DZIP1L: variants seen among roughly 807,000 people sequenced by gnomAD.
DZIP1L encodes cilium assembly protein DZIP1L.
In DZIP1L, 90 loss-of-function variants were observed where a neutral mutation model predicts 88.7. The ratio of observed to expected loss-of-function variants is 1.02; its 90% CI spans 0.86 to 1.21. The LOEUF (loss-of-function observed/expected upper bound fraction) is 1.21, where lower values mean the gene tolerates loss of function less well. Ranked by LOEUF, DZIP1L falls within the 50% of genes most tolerant of loss-of-function variation. The pLI, the probability that DZIP1L is intolerant of heterozygous loss-of-function variation, is 0.00. For missense variants in DZIP1L, 932 were observed against 955.8 expected, an observed-to-expected ratio of 0.98 and a Z score of 0.33; for synonymous variants, 363 against 372.1, an observed-to-expected ratio of 0.98 and a Z score of 0.28.
chr3:138,086,848 A>G, intron 7 of DZIP1L, 113 bp downstream of exon 7: 1 of 1,135,884 alleles, frequency 8.8e-7, no homozygotes, highest in Non-Finnish European at 1.3e-6. Context: ...GCATCTGCCA[A>G]CCAGTTCCAG....
intron 4 of DZIP1L, among the ~76,000 whole-genome samples, chr3:138,093,782 C>T (rs954689814): frequency 1.3e-5 from 2 of 152,214 alleles, no homozygotes; most frequent in African/African-American, 4.8e-5. Context: ...CTTCTCTCAG[C>T]CTTCATAGAA....
At chr3:138,064,306 C>T (rs1392216344) in intron 15 of DZIP1L, 3 of 1,187,964 alleles carry the variant, frequency 2.5e-6, no homozygotes, top group East Asian at 5.2e-5. Flanking sequence ...TGAGACCGGG[C>T]TGGAAGAGCA....
At chr3:138,090,540 C>T (rs777154943) in intron 5 of DZIP1L, among the ~76,000 whole-genome samples, 1 of 152,164 alleles carries the variant, frequency 6.6e-6, no homozygotes, top group Non-Finnish European at 1.5e-5. Flanking sequence ...TGGATGGAAG[C>T]GCTTGCGTCA....
chr3:138,068,350 T>C lies in DZIP1L; in HGVS notation c.1633A>G (p.Thr545Ala), dbSNP rs446644. The C allele has an allele frequency of 0.83, 1,268,398 of 1,534,634 alleles. 533,467 individuals carry two copies. The highest frequency in any genetic ancestry group is 0.87 in the Non-Finnish European group (992,661 of 1,136,994). Residue 545 changes from threonine to alanine, a missense_variant, in exon 13 of 16, where the codon ACA (threonine) becomes GCA (alanine). By Grantham distance (58) the Thr-to-Ala change is moderately conservative. Coordinates refer to ENST00000327532, the MANE Select transcript of DZIP1L (RefSeq NM_173543.3). ...GGCTGGGCCTCTCTGGTGACCAGTG[T>C]GCTCTGCTGGCTTTTGACTGGAAAC... Reference protein sequence around the residue: ...GQPSVKSQQSTLVTREAQPKT... With the variant: ...GQPSVKSQQSALVTREAQPKT...
intron 11 of DZIP1L, among the ~76,000 whole-genome samples, chr3:138,075,715 C>G (rs187814845): frequency 6.6e-6 from 1 of 152,170 alleles, no homozygotes; most frequent in Non-Finnish European, 1.5e-5. Flanking sequence ...CGGCCTGGCG[C>G]GGTGGCTCAC....
At chr3:138,088,615 C>T in intron 5 of DZIP1L, 108 bp from the exon 6 acceptor site, 1 of 1,430,366 alleles carries the variant, frequency 7.0e-7, no homozygotes, top group Non-Finnish European at 9.2e-7. Flanking sequence ...CTCATCCTCC[C>T]AACTCATCCT....
chr3:138,080,639 G>T lies in DZIP1L; in HGVS notation c.1235-19C>A. On this transcript the variant is annotated intron_variant, in intron 9 of 15. Transcript: ENST00000327532. ...TGGATCCCTGAAGAGAGGAGGAACAGTTAGTGGCACCAGTGCTCTGGACCC... is the reference window on the plus strand; with the variant it reads ...TGGATCCCTGAAGAGAGGAGGAACATTTAGTGGCACCAGTGCTCTGGACCC... 6.2e-7 allele frequency: 1 copy of T among 1,611,938 alleles called. No homozygotes were observed. Among genetic ancestry groups the T allele is most frequent in the South Asian group, 1.1e-5 (1 of 90,988 alleles).
chr3:138,076,967 T>C (rs1460053848), intron 11 of DZIP1L, among the ~76,000 whole-genome samples: 2 of 152,000 alleles, frequency 1.3e-5, no homozygotes, highest in Non-Finnish European at 2.9e-5. Context: ...TACATGTATA[T>C]ACATACATAC....
At chr3:138,093,631 T>G (rs1262088929) in intron 4 of DZIP1L, among the ~76,000 whole-genome samples, 1 of 152,256 alleles carries the variant, frequency 6.6e-6, no homozygotes, top group African/African-American at 2.4e-5. Context: ...CTTAGCTAGA[T>G]CTCCAAGATA....
chr3:138,071,919 G>A lies in DZIP1L; in HGVS notation c.1423-84C>T, dbSNP rs966726336. On this transcript the variant is annotated intron_variant, in intron 11 of 15. Coordinates refer to ENST00000327532, the MANE Select transcript of DZIP1L (RefSeq NM_173543.3). ...AAGCCTCTCACACCTGCTGCTGCTG[G>A]CCTGGGAGTCTGTGATCAGTGCCTG... 4.4e-6 allele frequency: 6 copies of A among 1,350,322 alleles called. No homozygotes were observed. The African/African-American group carries it at 7.3e-5, about 16-fold the overall frequency. 83.6% of individuals were successfully genotyped at this position (1,350,322 alleles called of 1,614,324 possible).
At chr3:138,095,428 T>C (rs1237032506) in intron 3 of DZIP1L, among the ~76,000 whole-genome samples, 2 of 111,106 alleles carry the variant, frequency 1.8e-5, no homozygotes, top group Non-Finnish European at 4.1e-5. Context: ...AGAGAGAATT[T>C]TAAAGTAATA....
chr3:138,062,650 G>T lies in DZIP1L; in HGVS notation c.*166C>A. 1 of 800,524 alleles carries T rather than the reference G, an allele frequency of 1.2e-6. No homozygotes were observed. The highest frequency in any genetic ancestry group is 1.9e-6 in the Non-Finnish European group (1 of 515,838). The allele number at this position is 800,524 out of a possible 1,614,324, so 49.6% of individuals were successfully genotyped here. The stretch of plus-strand genomic sequence containing the variant: ...GCCATCTACAGCAGGGCCCCTCACA[G>T]GTCAGGAGGGATGAGATCATATCCA... On this transcript the variant is annotated 3_prime_UTR_variant, in exon 16 of 16. Coordinates refer to ENST00000327532, the MANE Select transcript of DZIP1L (RefSeq NM_173543.3).
rs757589778 is a variant in DZIP1L at position 138,097,771 on chromosome 3, G to T, written c.578C>A (p.Ala193Glu). 10 of 1,611,130 alleles carry T rather than the reference G, an allele frequency of 6.2e-6. No homozygotes were observed. The African/African-American group carries it at 1.3e-4, about 22-fold the overall frequency. Residue 193 changes from alanine to glutamate, a missense_variant, in exon 3 of 16, where the codon GCA (alanine) becomes GAA (glutamate). Ala to Glu is a moderately radical substitution (Grantham distance 107, BLOSUM62 -1). Coordinates refer to ENST00000327532, the MANE Select transcript of DZIP1L (RefSeq NM_173543.3). ...CTGCTGTCTGGACTCACCACCTTCTGCCACGCCTGCATGCCTGCGCTGGAT... is the reference window on the plus strand; with the variant it reads ...CTGCTGTCTGGACTCACCACCTTCTTCCACGCCTGCATGCCTGCGCTGGAT... ...GHIQRRHAGV[A>E]EGGKQKKQEQ...
Position 138,103,909 on chromosome 3 carries a change from G to A in DZIP1L, c.63C>T (p.Phe21=), listed in dbSNP as rs765187682. ...LSGPLFGAYT[F]PTFKFQPRHD... is the part of the protein sequence containing the mutation. ...GGCGAGGCTGAAACTTGAAGGTGGG[G>A]AACGTGTAGGCCCCAAAGAGGGGGC... Residue 21 remains phenylalanine (F), a synonymous_variant, in exon 2 of 16, where the codon TTC becomes TTT. Transcript: ENST00000327532. The A allele has an allele frequency of 6.2e-7, 1 of 1,613,728 alleles. No individual in the cohort carries two copies. Among genetic ancestry groups the A allele is most frequent in the East Asian group, 2.2e-5 (1 of 44,886 alleles).
At chr3:138,091,455 G>A (rs1412156919) in intron 5 of DZIP1L, among the ~76,000 whole-genome samples, 1 of 151,424 alleles carries the variant, frequency 6.6e-6, no homozygotes, top group Non-Finnish European at 1.5e-5. Flanking sequence ...CCGTCTCTAT[G>A]AAAAATACAA....
chr3:138,092,657 G>A lies in DZIP1L; in HGVS notation c.709-113C>T, dbSNP rs191342951. On this transcript the variant is annotated intron_variant, in intron 4 of 15. Transcript: ENST00000327532. ...GCAAGTCACTATGGAGACCCAAAGAGCATTCATCCCACAGTTCCCATTGTT... is the reference window on the plus strand; with the variant it reads ...GCAAGTCACTATGGAGACCCAAAGAACATTCATCCCACAGTTCCCATTGTT... 27 of 1,068,282 alleles carry A rather than the reference G, an allele frequency of 2.5e-5. No homozygotes were observed. The East Asian group carries it at 7.4e-4, about 29-fold the overall frequency. 66.2% of individuals were successfully genotyped at this position (1,068,282 alleles called of 1,614,324 possible). A position where few individuals can be genotyped will look rare whatever the true frequency, so the allele number is the denominator to read the frequency against.
rs948780771 is a variant in DZIP1L, at chr3:138,091,742, TA to T, written c.870+640del. Reference sequence around the variant, plus strand: ...AGAGAAAGAAATAAAATAGCTTTTTTAAAAAAAAACTTTAAAAAGAAAGTAC... The same window carrying T: ...AGAGAAAGAAATAAAATAGCTTTTTTAAAAAAAACTTTAAAAAGAAAGTAC... On this transcript the variant is annotated intron_variant, in intron 5 of 15. Coordinates refer to ENST00000327532, the MANE Select transcript of DZIP1L (RefSeq NM_173543.3). 3.5e-3 allele frequency among the ~76,000 whole-genome samples: 522 copies of T among 150,908 alleles called. 6 individuals carry two copies. Among genetic ancestry groups the T allele is most frequent in the African/African-American group, 0.012 (473 of 41,092 alleles).
chr3:138,113,280 A>G (rs1304169562), intron 1 of DZIP1L: 1 of 152,224 alleles, frequency 6.6e-6, no homozygotes, highest in Admixed American at 6.5e-5. Flanking sequence ...TTCTTCTAAA[A>G]CCGGCCCACC....
In DZIP1L at chr3:138,068,162, C is replaced by A; in HGVS notation, c.1821G>T (p.Gly607=). The A allele has an allele frequency of 1.3e-6, 2 of 1,506,578 alleles. No homozygotes were observed. The highest frequency in any genetic ancestry group is 8.9e-7 in the Non-Finnish European group (1 of 1,124,024). The allele number at this position is 1,506,578 out of a possible 1,614,324, so 93.3% of individuals were successfully genotyped here. A position where few individuals can be genotyped will look rare whatever the true frequency, so the allele number is the denominator to read the frequency against. The change falls in exon 13 of 16, where the codon GGG becomes GGT. Residue 607 remains glycine (G), a synonymous_variant. Transcript: ENST00000327532. ...AGTCTGGGGCTCACCTCATCCCGGG[C>A]CCCGAGGAAGGAGGGGTGCTGGAGG... ...HGPSSTPPSS[G]PGMSTPPFSS... is the part of the protein sequence containing the mutation.
Sources: allele counts gnomAD v4.1 joint callset (sites outside exome capture counted in the v4.1 genomes callset), GRCh38; gene constraint gnomAD v4.1.1; transcripts MANE v1.5; gene names NCBI Gene and HGNC (gene_info 2026-07-23, HGNC 2026-07-21).